Variants in HSD11B1 observed in about 807,000 individuals in gnomAD.
HSD11B1 encodes 11-beta-hydroxysteroid dehydrogenase 1.
Under a neutral mutation model 22.1 loss-of-function variants are expected in HSD11B1, and 15 were observed. The observed-to-expected ratio is 0.68, with a 90% confidence interval of 0.45 to 1.04. HSD11B1 has a LOEUF of 1.04. Ranked by LOEUF, HSD11B1 falls within the 50% of genes least tolerant of loss-of-function variation. The probability of loss-of-function intolerance (pLI) is 0.00; values close to 1 mark genes in which losing one functional copy is unlikely to be tolerated. For missense variants in HSD11B1, 281 were observed against 357.6 expected, an observed-to-expected ratio of 0.79 and a Z score of 1.73; for synonymous variants, 122 against 125.2, an observed-to-expected ratio of 0.97 and a Z score of 0.17.
upstream of HSD11B1, among the ~76,000 whole-genome samples, chr1:209,704,308 A>G (rs780200820): frequency 3.9e-5 from 6 of 152,030 alleles, no homozygotes; most frequent in Non-Finnish European, 8.8e-5. Context: ...TTCTCCTTTG[A>G]TGTTGTAATA....
At chr1:209,711,345 T>C (rs753278321) in intron 4 of HSD11B1, among the ~76,000 whole-genome samples, 68 of 152,092 alleles carry the variant, frequency 4.5e-4, no homozygotes, top group Admixed American at 1.7e-3. Flanking sequence ...GGTGGGGGGA[T>C]CCCAAACTCC....
chr1:209,699,123 G>A (rs961210261), intron 1 of HSD11B1, among the ~76,000 whole-genome samples: 9 of 152,158 alleles, frequency 5.9e-5, no homozygotes, highest in African/African-American at 2.2e-4. Flanking sequence ...AAGGGAAGGA[G>A]GAGGGAGTCT....
At chr1:209,703,475 T>C (rs1337045191), upstream of HSD11B1, among the ~76,000 whole-genome samples, 1 of 152,232 alleles carries the variant, frequency 6.6e-6, no homozygotes, top group Non-Finnish European at 1.5e-5. Flanking sequence ...TTTTCTCTTT[T>C]TGTCCTTCAT....
intron 1 of HSD11B1, among the ~76,000 whole-genome samples, chr1:209,689,113 T>G (rs1051990144): frequency 1.3e-5 from 2 of 151,944 alleles, no homozygotes; most frequent in Non-Finnish European, 2.9e-5. Context: ...GAGGGTGGGG[T>G]TAGGCATGGA....
chr1:209,702,615 A>C (rs934295793), upstream of HSD11B1, among the ~76,000 whole-genome samples: 1 of 152,206 alleles, frequency 6.6e-6, no homozygotes, highest in Non-Finnish European at 1.5e-5. Context: ...ATGTATGCTA[A>C]TGCCACTGCC....
intron 4 of HSD11B1, among the ~76,000 whole-genome samples, chr1:209,731,048 T>A (rs1290468461): frequency 6.6e-6 from 1 of 152,202 alleles, no homozygotes; most frequent in African/African-American, 2.4e-5. Context: ...CCTGCCATCT[T>A]GCCAACATGA....
intron 4 of HSD11B1, among the ~76,000 whole-genome samples, chr1:209,716,725 C>G (rs1472201826): frequency 1.3e-5 from 2 of 151,948 alleles, no homozygotes; most frequent in African/African-American, 4.8e-5. Context: ...AAACAATGGA[C>G]AAGAATAGAG....
At chr1:209,733,432 G>T (rs2077047849) in intron 5 of HSD11B1, among the ~76,000 whole-genome samples, 1 of 152,140 alleles carries the variant, frequency 6.6e-6, no homozygotes. Context: ...AAAATGGGAA[G>T]AAATTACTAC....
Position 209,706,994 on chromosome 1 carries a change from T to A in HSD11B1, c.383T>A (p.Leu128His). Residue 128 changes from leucine (L) to histidine (H), a missense_variant, in exon 4 of 6, where the codon CTT becomes CAT. Leu to His is a moderately conservative substitution (Grantham distance 99, BLOSUM62 -3). Transcript: ENST00000367027. The surrounding 1 kb of genome is among the most constrained non-coding windows in gnomAD (Gnocchi z 4.0). ...CACATCACCAACACTTCTTTGAATCTTTTTCATGATGATATTCACCATGTG... is the reference window on the plus strand; with the variant it reads ...CACATCACCAACACTTCTTTGAATCATTTTCATGATGATATTCACCATGTG... ...LNHITNTSLN[L>H]FHDDIHHVRK... 1 of 1,614,106 alleles carries A rather than the reference T, an allele frequency of 6.2e-7. No homozygotes were observed. Among genetic ancestry groups the A allele is most frequent in the Non-Finnish European group, 8.5e-7 (1 of 1,179,934 alleles).
chr1:209,725,651 A>C (rs1237413078), intron 4 of HSD11B1, among the ~76,000 whole-genome samples: 2 of 152,160 alleles, frequency 1.3e-5, no homozygotes, highest in African/African-American at 4.8e-5. Context: ...GATGTTCAAC[A>C]AGCTTAGGCC....
chr1:209,705,251 A>C (rs1035034227), intron 1 of HSD11B1, among the ~76,000 whole-genome samples: 3 of 151,954 alleles, frequency 2.0e-5, no homozygotes, highest in Non-Finnish European at 4.4e-5. Flanking sequence ...CAAATAGGCC[A>C]TGCTTTATTT....
chr1:209,712,922 G>A (rs1327947641), intron 4 of HSD11B1, among the ~76,000 whole-genome samples: 3 of 152,136 alleles, frequency 2.0e-5, no homozygotes, highest in Non-Finnish European at 4.4e-5. Flanking sequence ...GGTGGTGGGT[G>A]CCTGTAGTCC....
intron 4 of HSD11B1, among the ~76,000 whole-genome samples, chr1:209,728,868 G>A (rs911975445): frequency 6.6e-6 from 1 of 152,198 alleles, no homozygotes; most frequent in Non-Finnish European, 1.5e-5. Context: ...GGTCCAAAAT[G>A]AGCCACATGG....
In HSD11B1 at chr1:209,706,768, G is replaced by C. The variant is rs767312206; in HGVS notation, c.279G>C (p.Met93Ile). The change falls in exon 3 of 6, where the codon ATG becomes ATC. Residue 93 changes from methionine (M) to isoleucine (I), a missense_variant. By Grantham distance (10) the Met-to-Ile change is conservative (BLOSUM62 1). Transcript: ENST00000367027. The surrounding 1 kb of genome is among the most constrained non-coding windows in gnomAD (Gnocchi z 4.0). ...AASAHYIAGT[M>I]EDMTFAEQFV... ...CAGCACACTACATTGCTGGCACCAT[G>C]GAAGACATGACCTTCGCAGAGCAAT... The C allele has an allele frequency of 6.2e-7, 1 of 1,613,994 alleles. No homozygotes were observed.
At chr1:209,702,831 A>G (rs1293146046), upstream of HSD11B1, among the ~76,000 whole-genome samples, 1 of 152,238 alleles carries the variant, frequency 6.6e-6, no homozygotes, top group Non-Finnish European at 1.5e-5. Context: ...TTAATGCATC[A>G]ACTACCATTA....
At chr1:209,691,938 G>A (rs761708049) in intron 1 of HSD11B1, among the ~76,000 whole-genome samples, 16 of 152,104 alleles carry the variant, frequency 1.1e-4, no homozygotes, top group Non-Finnish European at 1.9e-4. Context: ...ATTTAAAAGC[G>A]ATTTGCCTGT....
At chr1:209,712,782 G>A (rs973345478) in intron 4 of HSD11B1, among the ~76,000 whole-genome samples, 1 of 152,230 alleles carries the variant, frequency 6.6e-6, no homozygotes, top group African/African-American at 2.4e-5. Flanking sequence ...CAGGCGCAGT[G>A]GTTTACGCCT....
At chr1:209,707,355 G>C (rs557779574) in intron 4 of HSD11B1, among the ~76,000 whole-genome samples, 4 of 152,288 alleles carry the variant, frequency 2.6e-5, no homozygotes, top group Admixed American at 2.6e-4. Context: ...TAAGGTCAAA[G>C]GGACTTGAGG....
rs1004470557 is a variant in HSD11B1 at position 209,709,468 on chromosome 1, T to G, written c.517+2340T>G. Among the ~76,000 whole-genome samples, 79 of 152,174 alleles carry G rather than the reference T, an allele frequency of 5.2e-4. 1 individual carries two copies. The highest frequency in any genetic ancestry group is 2.9e-5 in the Non-Finnish European group (2 of 68,026). On this transcript the variant is annotated intron_variant, in intron 4 of 5. Transcript: ENST00000367027. The stretch of plus-strand genomic sequence containing the variant: ...CTCCTCTCCTTCCACCACTTGCTAG[T>G]TAGGATGTAAGTTCAGCTACTGTAA...
Sources: allele counts gnomAD v4.1 joint callset (sites outside exome capture counted in the v4.1 genomes callset), GRCh38; gene constraint gnomAD v4.1.1; non-coding constraint Gnocchi (gnomAD v3.1); transcripts MANE v1.5; gene names NCBI Gene and HGNC (gene_info 2026-07-23, HGNC 2026-07-21).